TXNDC15: variants seen among roughly 807,000 people sequenced by gnomAD.
TXNDC15 encodes thioredoxin domain-containing protein 15.
TXNDC15 carries 24 observed loss-of-function variants against 35.0 expected under a neutral mutation model. That is an observed-to-expected ratio of 0.68 (90% confidence interval 0.50 to 0.96). The LOEUF (loss-of-function observed/expected upper bound fraction) is 0.96, where lower values mean the gene tolerates loss of function less well. Ranked by LOEUF, TXNDC15 falls within the 40% of genes least tolerant of loss-of-function variation. TXNDC15 has a pLI of 0.00. For synonymous variants in TXNDC15, 169 were observed against 174.0 expected, an observed-to-expected ratio of 0.97 and a Z score of 0.23; for missense variants, 385 against 453.3, an observed-to-expected ratio of 0.85 and a Z score of 1.37.
chr5:134,898,115 A>G (rs1750530630), intron 4 of TXNDC15, among the ~76,000 whole-genome samples: 2 of 152,144 alleles, frequency 1.3e-5, no homozygotes, highest in African/African-American at 2.4e-5. Flanking sequence ...CTTGACTCCT[A>G]ATATCATAGA....
Position 134,887,855 on chromosome 5 carries a change from C to T in TXNDC15, c.264C>T (p.Gly88=), listed in dbSNP as rs770669901. 1.8e-5 allele frequency: 29 copies of T among 1,614,008 alleles called. No individual in the cohort carries two copies. Among genetic ancestry groups the T allele is most frequent in the Admixed American group, 5.0e-5 (3 of 59,988 alleles). ...ANAVLGLDTQ[G]DHMVMLSVIP... Reference sequence around the variant, plus strand: ...CGGTGCTGGGGCTGGACACCCAAGGCGATCACATGGTGATGCTGTCTGTGA... The same window carrying T: ...CGGTGCTGGGGCTGGACACCCAAGGTGATCACATGGTGATGCTGTCTGTGA... The change falls in exon 2 of 5, where the codon GGC becomes GGT. Residue 88 remains glycine, a synonymous_variant. Transcript: ENST00000358387.
chr5:134,889,300 C>T (rs1750341050), intron 2 of TXNDC15, among the ~76,000 whole-genome samples: 1 of 152,238 alleles, frequency 6.6e-6, no homozygotes. Flanking sequence ...TCTGGGTTCA[C>T]TGCAACCTCT....
intron 2 of TXNDC15, among the ~76,000 whole-genome samples, chr5:134,888,649 A>G (rs1230073990): frequency 6.6e-6 from 1 of 151,906 alleles, no homozygotes; most frequent in Non-Finnish European, 1.5e-5. Flanking sequence ...ATGCCTGGCT[A>G]ATTTTGTATT....
intron 2 of TXNDC15, among the ~76,000 whole-genome samples, chr5:134,891,136 A>G (rs1175373261): frequency 6.6e-6 from 1 of 152,188 alleles, no homozygotes; most frequent in African/African-American, 2.4e-5. Context: ...AGCTTATTCT[A>G]AACGCCTATT....
At position 134,887,759 on chromosome 5, in the gene TXNDC15, T is replaced by C; in HGVS notation, c.168T>C (p.Ala56=). 1 of 1,613,316 alleles carries C rather than the reference T, an allele frequency of 6.2e-7. No homozygotes were observed. Among genetic ancestry groups the C allele is most frequent in the Non-Finnish European group, 8.5e-7 (1 of 1,179,334 alleles). The change falls in exon 2 of 5, where the codon GCT becomes GCC. Residue 56 remains alanine (A), a synonymous_variant. Coordinates refer to ENST00000358387, the MANE Select transcript of TXNDC15 (RefSeq NM_024715.4). ...CTGCTCACCCTCTCCAGGTGGGGGC[T>C]GTGTACCTGGGTGAGGAGGAGCTCC... is the stretch of plus-strand genomic sequence containing the variant. ...EQPAHPLQVG[A]VYLGEEELLH... is the part of the protein sequence containing the mutation.
chr5:134,881,554 C>T (rs1175298025), intron 1 of TXNDC15, among the ~76,000 whole-genome samples: 3 of 112,196 alleles, frequency 2.7e-5, no homozygotes, highest in Non-Finnish European at 5.4e-5. Flanking sequence ...TTTCTTAGTA[C>T]AGAACAAAAT....
rs1169230582 is a variant in TXNDC15 at position 134,888,540 on chromosome 5, A to G, written c.591+358A>G. Reference sequence around the variant, plus strand: ...CTCTTGTCACCTAGGCTGGAGTGCAATGGCATGATATCGGCTCACTGCAAC... The same window carrying G: ...CTCTTGTCACCTAGGCTGGAGTGCAGTGGCATGATATCGGCTCACTGCAAC... On this transcript the variant is annotated intron_variant, in intron 2 of 4. Transcript: ENST00000358387. 2.0e-5 allele frequency among the ~76,000 whole-genome samples: 3 copies of G among 152,120 alleles called. No individual in the cohort carries two copies. In the East Asian group the frequency reaches 5.8e-4, roughly 29 times the overall value.
intron 2 of TXNDC15, among the ~76,000 whole-genome samples, chr5:134,889,526 G>T (rs1750346755): frequency 6.6e-6 from 1 of 152,196 alleles, no homozygotes; most frequent in South Asian, 2.1e-4. Context: ...GGCTGGCTAG[G>T]ACAGTGTACT....
intron 4 of TXNDC15, among the ~76,000 whole-genome samples, chr5:134,898,961 C>T (rs1418524878): frequency 1.3e-5 from 2 of 151,994 alleles, no homozygotes; most frequent in Non-Finnish European, 2.9e-5. Context: ...TCTGTAATCC[C>T]AGCTACTTGG....
At chr5:134,874,209 G>A (rs930037549), upstream of TXNDC15, 4 of 526,424 alleles carry the variant, frequency 7.6e-6, no homozygotes, top group African/African-American at 6.1e-5. Context: ...GACCTGCAAC[G>A]TCTGGCGCTT....
At chr5:134,889,838 G>T (rs1750353243) in intron 2 of TXNDC15, among the ~76,000 whole-genome samples, 1 of 152,198 alleles carries the variant, frequency 6.6e-6, no homozygotes, top group African/African-American at 2.4e-5. Context: ...ATACTATATT[G>T]TAGTTTATTA....
intron 3 of TXNDC15, among the ~76,000 whole-genome samples, chr5:134,895,572 T>G (rs1750473250): frequency 6.6e-6 from 1 of 152,226 alleles, no homozygotes; most frequent in Non-Finnish European, 1.5e-5. Context: ...CTTCTTATGT[T>G]AATATTTAAG....
At position 134,899,657 on chromosome 5, in the gene TXNDC15, C is replaced by T. The variant is rs1043397578; in HGVS notation, c.1055C>T (p.Pro352Leu). ...IRTESIRWLI[P>L]GQEQEHVE is the part of the protein sequence containing the mutation. ...ACTGAGAGTATTCGGTGGCTAATTC[C>T]AGGACAAGAGCAGGAACATGTGGAG... Residue 352 changes from proline (P) to leucine (L), a missense_variant, in exon 5 of 5, where the codon CCA becomes CTA. Pro to Leu is a moderately conservative substitution (Grantham distance 98). Coordinates refer to ENST00000358387, the MANE Select transcript of TXNDC15 (RefSeq NM_024715.4). The T allele has an allele frequency of 1.2e-6, 2 of 1,611,346 alleles. No homozygotes were observed. Among genetic ancestry groups the T allele is most frequent in the Non-Finnish European group, 1.7e-6 (2 of 1,179,056 alleles).
chr5:134,901,211 T>C lies in TXNDC15; in HGVS notation c.*1526T>C, dbSNP rs949749644. 1.3e-5 allele frequency: 2 copies of C among 152,252 alleles called. No individual in the cohort carries two copies. The highest frequency in any genetic ancestry group is 2.4e-5 in the African/African-American group (1 of 41,462). 9.4% of individuals were successfully genotyped at this position (152,252 alleles called of 1,614,324 possible). ...CAGGGTTTTAGAGTAGTTGAATGTT[T>C]ATTTCACAAGGCACCCTAAATTCTA... On this transcript the variant is annotated 3_prime_UTR_variant, in exon 5 of 5. Coordinates refer to ENST00000358387, the MANE Select transcript of TXNDC15 (RefSeq NM_024715.4).
chr5:134,886,245 A>T (rs918480964), intron 1 of TXNDC15, among the ~76,000 whole-genome samples: 1 of 152,264 alleles, frequency 6.6e-6, no homozygotes, highest in Non-Finnish European at 1.5e-5. Flanking sequence ...ACAAATGTGC[A>T]TACCTGAGGA....
intron 1 of TXNDC15, among the ~76,000 whole-genome samples, chr5:134,886,675 A>T (rs758140745): frequency 1.3e-5 from 2 of 152,272 alleles, no homozygotes; most frequent in Non-Finnish European, 1.5e-5. Context: ...GCAGGAGAGC[A>T]GAGTCCAGCT....
intron 1 of TXNDC15, among the ~76,000 whole-genome samples, chr5:134,877,201 C>G (rs1406572926): frequency 6.6e-6 from 1 of 152,020 alleles, no homozygotes; most frequent in African/African-American, 2.4e-5. Flanking sequence ...AGGAAGCTTC[C>G]CAGCAGAGAA....
intron 2 of TXNDC15, 77 bp from the exon 3 acceptor site, chr5:134,893,415 G>C (rs1580867198): frequency 6.4e-7 from 1 of 1,564,402 alleles, no homozygotes; most frequent in East Asian, 2.2e-5. Flanking sequence ...GAGCAGCAGT[G>C]TGTCCTGTTT....
chr5:134,898,326 A>G (rs979080131), intron 4 of TXNDC15, among the ~76,000 whole-genome samples: 2 of 152,208 alleles, frequency 1.3e-5, no homozygotes, highest in Admixed American at 1.3e-4. Context: ...AATATTTGCC[A>G]AAACATATGG....
Sources: gnomAD v4.1 joint callset for allele counts (sites outside exome capture counted in the v4.1 genomes callset) on GRCh38, gnomAD v4.1.1 for gene constraint, MANE v1.5 for transcripts, NCBI Gene and HGNC (gene_info 2026-07-23, HGNC 2026-07-21) for gene names.